The following HOOK1 variants were observed in gnomAD, a reference collection of about 807,000 sequenced individuals.
The protein encoded by HOOK1 is hook microtubule tethering protein 1, also known as protein Hook homolog 1.
A neutral mutation model predicts 112.8 loss-of-function variants in HOOK1; 60 were observed. That is an observed-to-expected ratio of 0.53 (90% CI 0.43 to 0.66). The LOEUF (loss-of-function observed/expected upper bound fraction) is 0.66. Among genes scored for constraint, HOOK1 ranks in the 30% least tolerant of loss-of-function variants. The pLI, the probability that HOOK1 is intolerant of heterozygous loss-of-function variation, is 0.00. For synonymous variants in HOOK1, 294 were observed against 283.8 expected (o/e 1.04, Z -0.36); for missense variants, 770 against 856.0 (o/e 0.90, Z 1.25).
intron 1 of HOOK1, among the ~76,000 whole-genome samples, chr1:59,817,658 T>C (rs1559040347): frequency 6.6e-6 from 1 of 152,322 alleles, no homozygotes; most frequent in East Asian, 1.9e-4. Context: ...CATCAGGGAT[T>C]TTTTTCCCTC....
chr1:59,830,645 G>A (rs1377470102), intron 3 of HOOK1, among the ~76,000 whole-genome samples: 2 of 151,976 alleles, frequency 1.3e-5, no homozygotes, highest in East Asian at 3.9e-4. Flanking sequence ...TTGACAATCT[G>A]TATTTGATTC....
Position 59,874,446 on chromosome 1 carries a change from C to G in HOOK1, c.*1481C>G, listed in dbSNP as rs1403856446. 1 of 152,186 alleles carries G rather than the reference C, an allele frequency of 6.6e-6. No individual in the cohort carries two copies. Among genetic ancestry groups the G allele is most frequent in the Non-Finnish European group, 1.5e-5 (1 of 68,026 alleles). 9.4% of individuals were successfully genotyped at this position (152,186 alleles called of 1,614,324 possible). ...TTATGCTGTGACAACCATAGTTAATCATTTCAGTGCTGTTCAACATACATA... is the reference window on the plus strand; with the variant it reads ...TTATGCTGTGACAACCATAGTTAATGATTTCAGTGCTGTTCAACATACATA... On this transcript the variant is annotated 3_prime_UTR_variant, in exon 22 of 22. Transcript: ENST00000371208.
At chr1:59,826,185 A>G (rs1412001040) in intron 2 of HOOK1, among the ~76,000 whole-genome samples, 1 of 152,182 alleles carries the variant, frequency 6.6e-6, no homozygotes, top group East Asian at 1.9e-4. Flanking sequence ...ATTAGAAAAT[A>G]ATTGGACCAT....
chr1:59,855,940 A>ATTTT (rs71582607), intron 12 of HOOK1, among the ~76,000 whole-genome samples: 4 of 59,938 alleles, frequency 6.7e-5, no homozygotes, highest in African/African-American at 3.2e-4. Flanking sequence ...TACCCAGCTA[A>ATTTT]TTTATATATA....
chr1:59,861,762 T>C (rs10493269), intron 15 of HOOK1, among the ~76,000 whole-genome samples: 15,398 of 152,198 alleles, frequency 0.1, 1,030 homozygotes, highest in African/African-American at 0.2. Context: ...AATGGTGTAC[T>C]TACTATAAGG....
At chr1:59,846,530 CCTTCCT>C in intron 9 of HOOK1, among the ~76,000 whole-genome samples, 1 of 8,902 alleles carries the variant, frequency 1.1e-4, no homozygotes, top group African/African-American at 6.9e-4. Context: ...CCTTCCTTTT[CCTTCCT>C]TCCTTCCTTC....
intron 2 of HOOK1, 133 bp downstream of exon 2, chr1:59,822,076 A>G (rs2098386084): frequency 1.4e-6 from 1 of 698,446 alleles, no homozygotes; most frequent in African/African-American, 1.8e-5. Flanking sequence ...ATATGGCACC[A>G]AGGCATTCTT....
chr1:59,850,955 G>T (rs1054188804), intron 12 of HOOK1, among the ~76,000 whole-genome samples: 1 of 151,478 alleles, frequency 6.6e-6, no homozygotes, highest in Non-Finnish European at 1.5e-5. Flanking sequence ...AATTAAAAAG[G>T]TTTAAAAATT....
At chr1:59,851,745 G>T (rs2098407244) in intron 12 of HOOK1, among the ~76,000 whole-genome samples, 1 of 151,558 alleles carries the variant, frequency 6.6e-6, no homozygotes, top group African/African-American at 2.4e-5. Flanking sequence ...GATCTTAGGG[G>T]AAAAGCATTG....
chr1:59,838,801 G>A (rs2098399411), intron 7 of HOOK1, among the ~76,000 whole-genome samples: 1 of 152,104 alleles, frequency 6.6e-6, no homozygotes, highest in Non-Finnish European at 1.5e-5. Context: ...GCATTGCCCA[G>A]GTTTTCTTCT....
At chr1:59,834,831 A>G (rs772770628) in intron 5 of HOOK1, among the ~76,000 whole-genome samples, 3 of 152,016 alleles carry the variant, frequency 2.0e-5, no homozygotes, top group South Asian at 2.1e-4. Flanking sequence ...TGTTTTTACT[A>G]TTTAGTTTTG....
intron 19 of HOOK1, among the ~76,000 whole-genome samples, chr1:59,867,870 G>T (rs1433820379): frequency 6.6e-6 from 1 of 152,016 alleles, no homozygotes; most frequent in African/African-American, 2.4e-5. Flanking sequence ...TTTCCTTAGA[G>T]TTATTGAATT....
At chr1:59,859,609 G>A (rs913292003) in intron 14 of HOOK1, among the ~76,000 whole-genome samples, 3 of 151,652 alleles carry the variant, frequency 2.0e-5, no homozygotes, top group African/African-American at 4.8e-5. Context: ...CTAAGGGAGA[G>A]TATTACCTCC....
intron 1 of HOOK1, among the ~76,000 whole-genome samples, chr1:59,821,466 A>G (rs2098385559): frequency 6.6e-6 from 1 of 152,230 alleles, no homozygotes; most frequent in Admixed American, 6.5e-5. Context: ...TTTTCTATCA[A>G]ATGATATGAG....
intron 1 of HOOK1, among the ~76,000 whole-genome samples, chr1:59,818,825 G>A (rs749963552): frequency 1.8e-4 from 27 of 152,016 alleles, no homozygotes; most frequent in Non-Finnish European, 3.8e-4. Context: ...AGCAGCTGGA[G>A]GAGGAGAATA....
Position 59,872,886 on chromosome 1 carries a change from C to A in HOOK1, c.2108C>A (p.Ser703Tyr). ...ACTGGTGCGTGCACTCCTGCGCGGT[C>A]TTTCTTAGCGCAGCAACGGCACATC... ...SDTGACTPARSFLAQQRHITN... is the reference protein window; with the variant it reads ...SDTGACTPARYFLAQQRHITN... The change falls in exon 22 of 22, where the codon TCT (serine) becomes TAT (tyrosine). Residue 703 changes from serine (S) to tyrosine (Y), a missense_variant. Coordinates refer to ENST00000371208, the MANE Select transcript of HOOK1 (RefSeq NM_015888.6). 1 of 1,530,178 alleles carries A rather than the reference C, an allele frequency of 6.5e-7. No individual in the cohort carries two copies. Among genetic ancestry groups the A allele is most frequent in the East Asian group, 2.5e-5 (1 of 40,336 alleles). The allele number at this position is 1,530,178 out of a possible 1,614,324, so 94.8% of individuals were successfully genotyped here.
intron 17 of HOOK1, 130 bp from the exon 18 acceptor site, chr1:59,865,033 C>A: frequency 4.7e-6 from 3 of 633,740 alleles, no homozygotes; most frequent in Non-Finnish European, 8.6e-6. Context: ...ATCCTCATGA[C>A]AACCCCTGCA....
At chr1:59,850,860 G>A (rs758791532) in intron 12 of HOOK1, among the ~76,000 whole-genome samples, 1 of 151,124 alleles carries the variant, frequency 6.6e-6, no homozygotes, top group Non-Finnish European at 1.5e-5. Context: ...GTGAGAAGAG[G>A]GTAAGAGGAA....
chr1:59,843,718 C>A, intron 9 of HOOK1, 120 bp downstream of exon 9: 1 of 748,710 alleles, frequency 1.3e-6, no homozygotes, highest in Non-Finnish European at 2.1e-6. Context: ...ACTGATTAAG[C>A]TCCTGAAAAT....
Sources: gnomAD v4.1 joint callset for allele counts (sites outside exome capture counted in the v4.1 genomes callset) on GRCh38, gnomAD v4.1.1 for gene constraint, MANE v1.5 for transcripts, NCBI Gene and HGNC (gene_info 2026-07-23, HGNC 2026-07-21) for gene names.